The following SEPTIN10 variants were observed in gnomAD, a reference collection of about 807,000 sequenced individuals.
SEPTIN10 encodes the protein septin 10, also known as septin-10.
A neutral mutation model predicts 54.8 loss-of-function variants in SEPTIN10; 66 were observed. That is an observed-to-expected ratio of 1.21 (90% CI 0.99 to 1.48). The LOEUF (loss-of-function observed/expected upper bound fraction) is 1.48. Among genes scored for constraint, SEPTIN10 ranks in the 40% most tolerant of loss-of-function variants. The pLI, the probability that SEPTIN10 is intolerant of heterozygous loss-of-function variation, is 0.00. For missense variants in SEPTIN10, 620 were observed against 545.6 expected, an observed-to-expected ratio of 1.14 and a Z score of -1.36; for synonymous variants, 161 against 181.0, an observed-to-expected ratio of 0.89 and a Z score of 0.89.
intron 9 of SEPTIN10, among the ~76,000 whole-genome samples, chr2:109,547,091 C>T (rs72824785): frequency 0.025 from 3,781 of 152,214 alleles, 67 homozygotes; most frequent in Non-Finnish European, 0.038. Flanking sequence ...GGTTAACCAC[C>T]AAAGACAACT....
chr2:109,557,577 T>G (rs1684658804), intron 8 of SEPTIN10, among the ~76,000 whole-genome samples: 1 of 152,216 alleles, frequency 6.6e-6, no homozygotes, highest in Non-Finnish European at 1.5e-5. Flanking sequence ...GAGAAAGTAA[T>G]GGACTGCTTC....
chr2:109,599,335 G>A (rs1401300580), intron 1 of SEPTIN10, among the ~76,000 whole-genome samples: 2 of 151,866 alleles, frequency 1.3e-5, no homozygotes, highest in Non-Finnish European at 2.9e-5. Flanking sequence ...GTGTGTGCCT[G>A]TAATCCCAGT....
intron 2 of SEPTIN10, among the ~76,000 whole-genome samples, chr2:109,590,087 T>C (rs553439295): frequency 2.1e-3 from 316 of 149,168 alleles, no homozygotes; most frequent in Non-Finnish European, 3.6e-3. Flanking sequence ...TATATGTATA[T>C]ATATACACAC....
At chr2:109,545,734 C>A in intron 10 of SEPTIN10, 1 of 1,432,588 alleles carries the variant, frequency 7.0e-7, no homozygotes. Flanking sequence ...ACTAGGGCCA[C>A]GGCTGGGCTA....
At chr2:109,591,965 T>C (rs571361105) in intron 2 of SEPTIN10, among the ~76,000 whole-genome samples, 2 of 152,310 alleles carry the variant, frequency 1.3e-5, no homozygotes, top group African/African-American at 4.8e-5. Flanking sequence ...ATTTTCTTTC[T>C]AGTTACTCAC....
chr2:109,551,454 A>G (rs1327805420), intron 9 of SEPTIN10, among the ~76,000 whole-genome samples: 4 of 152,234 alleles, frequency 2.6e-5, no homozygotes, highest in Non-Finnish European at 5.9e-5. Context: ...GCAATCTGTG[A>G]TTGCATCCTG....
chr2:109,585,718 T>C lies in SEPTIN10; in HGVS notation c.217+3A>G. 6.3e-7 allele frequency: 1 copy of C among 1,597,964 alleles called. No individual in the cohort carries two copies. The highest frequency in any genetic ancestry group is 8.6e-7 in the Non-Finnish European group (1 of 1,166,556). ...ACTTAGAGGAAGAGTAGGTGGCACG[T>C]ACCCACACAGAGAATATTAAAGCAG... On this transcript the variant is annotated splice_donor_region_variant and intron_variant, in intron 3 of 10. Transcript: ENST00000397712.
intron 8 of SEPTIN10, among the ~76,000 whole-genome samples, chr2:109,559,580 T>A (rs1347787097): frequency 6.6e-6 from 1 of 152,252 alleles, no homozygotes; most frequent in Non-Finnish European, 1.5e-5. Flanking sequence ...GATTTCTGAC[T>A]ACCTATCATT....
intron 9 of SEPTIN10, among the ~76,000 whole-genome samples, chr2:109,547,444 C>T (rs1681579333): frequency 1.3e-5 from 2 of 150,276 alleles, no homozygotes; most frequent in South Asian, 2.1e-4. Context: ...TTATTCTTCC[C>T]GTATACAACT....
chr2:109,581,649 G>A (rs1431420538), intron 4 of SEPTIN10, among the ~76,000 whole-genome samples: 3 of 151,950 alleles, frequency 2.0e-5, no homozygotes, highest in Non-Finnish European at 4.4e-5. Flanking sequence ...TCACAGAATC[G>A]TATTTATATA....
chr2:109,580,387 T>C (rs1440007974), intron 4 of SEPTIN10, among the ~76,000 whole-genome samples: 1 of 148,280 alleles, frequency 6.7e-6, no homozygotes, highest in Non-Finnish European at 1.5e-5. Flanking sequence ...CATATATTAA[T>C]GATTCTTTAA....
At chr2:109,552,189 A>G (rs1683128201) in intron 9 of SEPTIN10, among the ~76,000 whole-genome samples, 1 of 152,164 alleles carries the variant, frequency 6.6e-6, no homozygotes, top group South Asian at 2.1e-4. Context: ...TCATCCTGAA[A>G]CCATCTCCCC....
At chr2:109,596,806 G>C (rs72826803) in intron 1 of SEPTIN10, among the ~76,000 whole-genome samples, 5,571 of 152,078 alleles carry the variant, frequency 0.037, 133 homozygotes, top group Non-Finnish European at 0.057. Context: ...TAAATGTTTT[G>C]ATTAGTAAGT....
chr2:109,588,461 T>C (rs544426469), intron 2 of SEPTIN10, among the ~76,000 whole-genome samples: 37 of 152,242 alleles, frequency 2.4e-4, no homozygotes, highest in Non-Finnish European at 4.3e-4. Context: ...GGAATATTGT[T>C]ATAAGGTTTC....
chr2:109,552,748 A>G, intron 9 of SEPTIN10: 2 of 207,234 alleles, frequency 9.7e-6, no homozygotes, highest in Non-Finnish European at 1.9e-5. Flanking sequence ...TGAATGAGGC[A>G]CCTAAAAATT....
intron 1 of SEPTIN10, among the ~76,000 whole-genome samples, chr2:109,596,606 C>A (rs1057111394): frequency 6.6e-6 from 1 of 150,988 alleles, no homozygotes; most frequent in African/African-American, 2.4e-5. Flanking sequence ...GACAGCGAGA[C>A]TCCATCTCAA....
intron 10 of SEPTIN10, chr2:109,545,809 T>G (rs1050259407): frequency 7.0e-6 from 10 of 1,425,490 alleles, no homozygotes; most frequent in Middle Eastern, 2.6e-4. Flanking sequence ...GTATTTTTAT[T>G]TTGTTCATTC....
intron 2 of SEPTIN10, 41 bp downstream of exon 2, chr2:109,593,010 T>C: frequency 3.7e-6 from 5 of 1,342,162 alleles, no homozygotes; most frequent in Non-Finnish European, 5.0e-6. Flanking sequence ...CATAGAAGCA[T>C]TTAGAGTACA....
chr2:109,571,988 G>A (rs911903057), intron 5 of SEPTIN10, among the ~76,000 whole-genome samples: 1 of 152,208 alleles, frequency 6.6e-6, no homozygotes, highest in African/African-American at 2.4e-5. Context: ...AACTGTGCCT[G>A]TTAATTTTTA....
Sources: gnomAD v4.1 joint callset for allele counts (sites outside exome capture counted in the v4.1 genomes callset) on GRCh38, gnomAD v4.1.1 for gene constraint, MANE v1.5 for transcripts, NCBI Gene and HGNC (gene_info 2026-07-23, HGNC 2026-07-21) for gene names.